Variants in CSGALNACT1 observed in about 807,000 individuals in gnomAD.
The protein encoded by CSGALNACT1 is beta4GalNAcT-1.
In CSGALNACT1, 52 loss-of-function variants were observed where a neutral mutation model predicts 51.0. The observed-to-expected ratio is 1.02, with a 90% CI of 0.82 to 1.29. CSGALNACT1 has a LOEUF of 1.29. Ranked by LOEUF, CSGALNACT1 falls within the 50% of genes most tolerant of loss-of-function variation. The pLI is 0.00. For synonymous variants in CSGALNACT1, 341 were observed against 254.4 expected, an observed-to-expected ratio of 1.34 and a Z score of -3.24; for missense variants, 935 against 679.2, an observed-to-expected ratio of 1.38 and a Z score of -4.19.
intron 1 of CSGALNACT1, among the ~76,000 whole-genome samples, chr8:19,707,772 G>T (rs115691018): frequency 2.0e-5 from 3 of 152,178 alleles, no homozygotes; most frequent in Admixed American, 2.0e-4. Flanking sequence ...AGGCTGATGT[G>T]TGTGGATCAC....
At chr8:19,504,324 C>A (rs76156997) in intron 4 of CSGALNACT1, among the ~76,000 whole-genome samples, 22,781 of 152,184 alleles carry the variant, frequency 0.15, 2,025 homozygotes, top group Non-Finnish European at 0.2. Flanking sequence ...GATCCGCCTG[C>A]CTGGGCCTCC....
chr8:19,477,289 T>G (rs1373493771), intron 4 of CSGALNACT1, among the ~76,000 whole-genome samples: 1 of 152,202 alleles, frequency 6.6e-6, no homozygotes, highest in African/African-American at 2.4e-5. Context: ...GGGTTCCCTG[T>G]GTAGGACAAA....
intron 3 of CSGALNACT1, among the ~76,000 whole-genome samples, chr8:19,539,586 A>C (rs772444702): frequency 6.6e-6 from 1 of 152,218 alleles, no homozygotes; most frequent in Non-Finnish European, 1.5e-5. Flanking sequence ...CAAGCAATAT[A>C]ATGCAACCAA....
intron 1 of CSGALNACT1, among the ~76,000 whole-genome samples, chr8:19,705,691 C>T (rs1056997606): frequency 2.0e-5 from 3 of 152,042 alleles, no homozygotes; most frequent in East Asian, 1.9e-4. Flanking sequence ...GAGCTGAGAT[C>T]GCACTACTTC....
At position 19,487,413 on chromosome 8, in the gene CSGALNACT1, G is replaced by A. The variant is rs185719156; in HGVS notation, c.634+17788C>T. Among the ~76,000 whole-genome samples the A allele has an allele frequency of 2.0e-5, 3 of 152,306 alleles. No individual in the cohort carries two copies. The East Asian group carries it at 5.8e-4, about 29-fold the overall frequency. On this transcript the variant is annotated intron_variant, in intron 4 of 9. Coordinates refer to ENST00000454498, the Ensembl canonical transcript of CSGALNACT1. ...CAGGATGCCCAGTGTCCATGACAGGGAGGTTCCAGGACACGGCCCACATGT... is the reference window on the plus strand; with the variant it reads ...CAGGATGCCCAGTGTCCATGACAGGAAGGTTCCAGGACACGGCCCACATGT...
At chr8:19,483,012 C>G (rs1261488726) in intron 4 of CSGALNACT1, among the ~76,000 whole-genome samples, 1 of 152,172 alleles carries the variant, frequency 6.6e-6, no homozygotes. Flanking sequence ...ATCCAGTATA[C>G]AGTGACATTC....
At chr8:19,483,517 G>C (rs539839444) in intron 4 of CSGALNACT1, among the ~76,000 whole-genome samples, 2 of 152,296 alleles carry the variant, frequency 1.3e-5, no homozygotes, top group East Asian at 3.9e-4. Flanking sequence ...GCCATCCCCA[G>C]TCTACTTTTG....
At position 19,690,793 on chromosome 8, in the gene CSGALNACT1, T is replaced by A. The variant is rs1295614595; in HGVS notation, c.-297+67057A>T. Among the ~76,000 whole-genome samples, 3 of 152,252 alleles carry A rather than the reference T, an allele frequency of 2.0e-5. No homozygotes were observed. The East Asian group carries it at 5.8e-4, about 29-fold the overall frequency. ...TGCAAGCCTAGGTCTTCCTAAGGAC[T>A]ACTTTGCTCAACGGGTAATTTGGGA... On this transcript the variant is annotated intron_variant, in intron 1 of 1. Transcript: ENST00000517494.
At chr8:19,559,429 T>C (rs1295998398) in intron 3 of CSGALNACT1, among the ~76,000 whole-genome samples, 1 of 152,172 alleles carries the variant, frequency 6.6e-6, no homozygotes, top group Non-Finnish European at 1.5e-5. Context: ...CAAAGATGCC[T>C]ACCATCCGCA....
chr8:19,576,970 C>T (rs2044369136), intron 3 of CSGALNACT1, among the ~76,000 whole-genome samples: 1 of 152,128 alleles, frequency 6.6e-6, no homozygotes. Flanking sequence ...CCCTCTTAGA[C>T]ACCCCGCAAA....
At chr8:19,501,014 C>T (rs1039796648) in intron 4 of CSGALNACT1, among the ~76,000 whole-genome samples, 15 of 152,088 alleles carry the variant, frequency 9.9e-5, no homozygotes, top group Non-Finnish European at 2.1e-4. Context: ...CTTTGGGAGG[C>T]TGAGATGGGC....
chr8:19,731,200 C>A (rs2063673529), intron 1 of CSGALNACT1, among the ~76,000 whole-genome samples: 1 of 152,158 alleles, frequency 6.6e-6, no homozygotes, highest in South Asian at 2.1e-4. Flanking sequence ...CACCTCCAAA[C>A]AACCAGCAAT....
At chr8:19,645,663 A>C (rs1405639253) in intron 1 of CSGALNACT1, among the ~76,000 whole-genome samples, 1 of 152,242 alleles carries the variant, frequency 6.6e-6, no homozygotes. Context: ...ATTATGAAAG[A>C]CTGGACTCCT....
At chr8:19,556,851 G>T (rs544076053) in intron 3 of CSGALNACT1, among the ~76,000 whole-genome samples, 1 of 152,058 alleles carries the variant, frequency 6.6e-6, no homozygotes, top group South Asian at 2.1e-4. Context: ...GTTTCCAGAT[G>T]TAAACTAAAA....
At chr8:19,634,676 A>T (rs1192460544) in intron 1 of CSGALNACT1, among the ~76,000 whole-genome samples, 2 of 152,146 alleles carry the variant, frequency 1.3e-5, no homozygotes, top group Non-Finnish European at 2.9e-5. Flanking sequence ...TTTTTTTAAA[A>T]AAGATGAGAC....
intron 1 of CSGALNACT1, among the ~76,000 whole-genome samples, chr8:19,678,299 G>A (rs1002624946): frequency 6.6e-6 from 1 of 152,146 alleles, no homozygotes; most frequent in Non-Finnish European, 1.5e-5. Context: ...TTTAGAATTA[G>A]CATGTAATAC....
chr8:19,435,289 T>C (rs1026780422), intron 6 of CSGALNACT1, among the ~76,000 whole-genome samples: 1 of 152,088 alleles, frequency 6.6e-6, no homozygotes, highest in Non-Finnish European at 1.5e-5. Flanking sequence ...GGTCAAGAGA[T>C]CGAGACCATC....
chr8:19,485,759 C>CTAT (rs1491319186), intron 4 of CSGALNACT1, among the ~76,000 whole-genome samples: 1 of 38,520 alleles, frequency 2.6e-5, no homozygotes, highest in African/African-American at 1.0e-4. Context: ...CCTCAGCTTG[C>CTAT]TTTTTTTTTT....
chr8:19,528,790 C>T (rs2082202113), intron 3 of CSGALNACT1, among the ~76,000 whole-genome samples: 1 of 152,116 alleles, frequency 6.6e-6, no homozygotes, highest in Non-Finnish European at 1.5e-5. Context: ...CAGAGTGTGC[C>T]TAACAGTCTT....
Sources: allele counts gnomAD v4.1 joint callset (sites outside exome capture counted in the v4.1 genomes callset), GRCh38; gene constraint gnomAD v4.1.1; transcripts MANE v1.5; gene names NCBI Gene and HGNC (gene_info 2026-07-23, HGNC 2026-07-21).